Variants in PCDH11Y observed in about 807,000 individuals in gnomAD.
The protein encoded by PCDH11Y is protocadherin-11 Y-linked.
For missense variants in PCDH11Y, 12 were observed against 224.8 expected (o/e 0.05, Z 6.05); for synonymous variants, 9 against 83.6 (o/e 0.11, Z 4.87).
At chrY:5,116,448 G>A in intron 2 of PCDH11Y, among the ~76,000 whole-genome samples, 1 of 33,351 alleles carries the variant, frequency 3.0e-5, no homozygotes, top group Non-Finnish European at 7.4e-5. Context: ...CATTATAAAG[G>A]GTTAATATAG....
At chrY:5,239,431 G>T (rs2052985610) in intron 2 of PCDH11Y, among the ~76,000 whole-genome samples, 1 of 32,124 alleles carries the variant, frequency 3.1e-5, no homozygotes, top group East Asian at 8.5e-4. Context: ...GTTGGGGGTC[G>T]GGGGAGTGGG....
exon 5 of PCDH11Y, chrY:5,739,672 A>G: frequency 3.0e-5 from 1 of 33,430 alleles, no homozygotes; most frequent in African/African-American, 1.2e-4. Flanking sequence ...CAGGTTAAGT[A>G]GCGTTTTCAG....
intron 2 of PCDH11Y, among the ~76,000 whole-genome samples, chrY:5,232,305 G>A: frequency 3.0e-5 from 1 of 33,166 alleles, no homozygotes; most frequent in South Asian, 6.9e-4. Context: ...CTCACCTGGA[G>A]CCAGCCCATC....
chrY:5,716,910 AACCT>A (rs2053590389), intron 4 of PCDH11Y, among the ~76,000 whole-genome samples: 1 of 33,309 alleles, frequency 3.0e-5, no homozygotes, highest in African/African-American at 1.2e-4. Flanking sequence ...CAGAATTGAG[AACCT>A]ACAAACAAAT....
intron 2 of PCDH11Y, among the ~76,000 whole-genome samples, chrY:5,307,329 G>T: frequency 3.0e-5 from 1 of 33,124 alleles, no homozygotes; most frequent in Non-Finnish European, 7.4e-5. Context: ...GCATTAACAT[G>T]ATGGCATGTA....
At chrY:5,660,613 C>G in intron 4 of PCDH11Y, among the ~76,000 whole-genome samples, 1 of 32,936 alleles carries the variant, frequency 3.0e-5, no homozygotes. Flanking sequence ...CACAAACTCT[C>G]TGTGTCACAG....
chrY:5,134,193 A>G, intron 2 of PCDH11Y, among the ~76,000 whole-genome samples: 1 of 33,262 alleles, frequency 3.0e-5, no homozygotes, highest in Non-Finnish European at 7.4e-5. Flanking sequence ...TGATTTTTGT[A>G]TGTTGATTTT....
At chrY:5,541,545 C>T in intron 3 of PCDH11Y, among the ~76,000 whole-genome samples, 2 of 32,634 alleles carry the variant, frequency 6.1e-5, no homozygotes, top group African/African-American at 2.4e-4. Flanking sequence ...TCTTTATTTC[C>T]TTCTGTGTCT....
chrY:5,389,503 T>G (rs2053219485), intron 2 of PCDH11Y, among the ~76,000 whole-genome samples: 2 of 29,830 alleles, frequency 6.7e-5, no homozygotes, highest in Non-Finnish European at 1.6e-4. Flanking sequence ...ATTTTTTTTT[T>G]GTAATTCTGA....
At chrY:5,251,967 G>T (rs2124656963) in intron 2 of PCDH11Y, among the ~76,000 whole-genome samples, 18 of 32,177 alleles carry the variant, frequency 5.6e-4, no homozygotes, top group Admixed American at 3.8e-3. Context: ...TAGAACATAG[G>T]GGGCCGAAGC....
rs2053019572 is a variant in PCDH11Y at position 5,262,359 on chromosome Y, G to GT, written c.3129+161662dup. On this transcript the variant is annotated intron_variant, in intron 2 of 4. Transcript: ENST00000400457. ...TTCTCTAATGATCAGTGATGTTGAG[G>GT]TTTTTTTTTTGTATGTTTGTTGGCC... Among the ~76,000 whole-genome samples the GT allele has an allele frequency of 4.7e-4, 13 of 27,373 alleles. No homozygotes were observed. The South Asian group carries it at 5.8e-3, about 12-fold the overall frequency. 73.4% of individuals were successfully genotyped at this position (27,373 alleles called of 37,273 possible). A position where few individuals can be genotyped will look rare whatever the true frequency, so the allele number is the denominator to read the frequency against.
chrY:5,619,429 A>T, intron 4 of PCDH11Y, among the ~76,000 whole-genome samples: 1 of 33,362 alleles, frequency 3.0e-5, no homozygotes, highest in African/African-American at 1.2e-4. Flanking sequence ...ATTCTATTGT[A>T]GATATCTCTA....
chrY:5,210,912 T>C (rs2052937936), intron 2 of PCDH11Y, among the ~76,000 whole-genome samples: 1 of 33,510 alleles, frequency 3.0e-5, no homozygotes, highest in African/African-American at 1.2e-4. Flanking sequence ...GAATCAACCA[T>C]TTTAAAATTC....
chrY:5,508,368 G>A (rs1602935733), intron 3 of PCDH11Y, among the ~76,000 whole-genome samples: 17 of 32,732 alleles, frequency 5.2e-4, no homozygotes, highest in African/African-American at 2.0e-3. Flanking sequence ...AACAGTGTTC[G>A]CTTAGCCAAT....
intron 1 of PCDH11Y, among the ~76,000 whole-genome samples, chrY:5,006,780 G>T: frequency 2.7e-4 from 9 of 33,469 alleles, no homozygotes; most frequent in Non-Finnish European, 6.0e-4. Context: ...TGTTCAAATT[G>T]ATCATATTTG....
chrY:5,213,081 T>C, intron 2 of PCDH11Y, among the ~76,000 whole-genome samples: 1 of 25,478 alleles, frequency 3.9e-5, no homozygotes, highest in Non-Finnish European at 8.9e-5. Context: ...TCGCATGCAG[T>C]AATTACATTA....
At chrY:5,675,251 G>T in intron 4 of PCDH11Y, among the ~76,000 whole-genome samples, 6 of 33,593 alleles carry the variant, frequency 1.8e-4, no homozygotes, top group Non-Finnish European at 2.9e-4. Flanking sequence ...ATCAGATCTT[G>T]TGAGAACTCA....
intron 3 of PCDH11Y, among the ~76,000 whole-genome samples, chrY:5,550,097 A>G (rs2053417121): frequency 3.4e-5 from 1 of 29,761 alleles, no homozygotes; most frequent in Non-Finnish European, 8.4e-5. Context: ...CCAACCTAAA[A>G]TAAAAGGTTG....
At chrY:5,000,757 C>T (rs2124616678) in intron 1 of PCDH11Y, among the ~76,000 whole-genome samples, 152 bp downstream of exon 1, 9 of 30,231 alleles carry the variant, frequency 3.0e-4, no homozygotes, top group Admixed American at 1.2e-3. Context: ...CTCCCTTCCC[C>T]CTTCTCTTCC....
Sources: gnomAD v4.1 joint callset for allele counts (sites outside exome capture counted in the v4.1 genomes callset) on GRCh38, gnomAD v4.1.1 for gene constraint, MANE v1.5 for transcripts, NCBI Gene and HGNC (gene_info 2026-07-23, HGNC 2026-07-21) for gene names.